Variants in TSPYL4 observed in about 807,000 individuals in gnomAD.
The protein encoded by TSPYL4 is TSPY like 4, also known as testis-specific Y-encoded-like protein 4.
TSPYL4 carries 22 observed loss-of-function variants against 24.2 expected under a neutral mutation model. That is an observed-to-expected ratio of 0.91 (90% CI 0.65 to 1.30). TSPYL4 has a LOEUF of 1.30. TSPYL4 is among the 50% of genes most tolerant of loss of function. The probability of loss-of-function intolerance (pLI) is 0.00; values close to 1 mark genes in which losing one functional copy is unlikely to be tolerated. For missense variants in TSPYL4, 569 were observed against 536.7 expected (o/e 1.06, Z -0.60); for synonymous variants, 211 against 208.2 (o/e 1.01, Z -0.12).
chr6:116,253,036 A>G lies in TSPYL4; in HGVS notation c.973T>C (p.Ser325Pro). The G allele has an allele frequency of 3.1e-6, 5 of 1,614,042 alleles. No individual in the cohort carries two copies. The highest frequency in any genetic ancestry group is 4.2e-6 in the Non-Finnish European group (5 of 1,180,000). The change falls in exon 1 of 1, where the codon TCT becomes CCT. Residue 325 changes from serine (S) to proline (P), a missense_variant. By Grantham distance (74) the Ser-to-Pro change is moderately conservative (BLOSUM62 -1). Transcript: ENST00000420283. This position sits in a 1 kb window ranked among gnomAD's most constrained non-coding sequence, Gnocchi z 4.3. ...TGCCAGCGGATTGGAGTGGAAAGAG[A>G]CACCACCCGGCCAGAGGATCTGCGT... Reference protein sequence around the residue: ...YERRSSGRVVSLSTPIRWHRG... With the variant: ...YERRSSGRVVPLSTPIRWHRG...
chr6:116,253,296 A>T lies in TSPYL4; in HGVS notation c.713T>A (p.Leu238His). The T allele has an allele frequency of 6.3e-7, 1 of 1,598,326 alleles. No homozygotes were observed. Among genetic ancestry groups the T allele is most frequent in the Non-Finnish European group, 8.5e-7 (1 of 1,171,838 alleles). Residue 238 changes from leucine (L) to histidine (H), a missense_variant, in exon 1 of 1, where the codon CTC (leucine) becomes CAC (histidine). Coordinates refer to ENST00000420283, the MANE Select transcript of TSPYL4 (RefSeq NM_021648.5). The surrounding 1 kb of genome is among the most constrained non-coding windows in gnomAD (Gnocchi z 4.3). ...AATGAAACTTCTGCGCTGCATGTGG[A>T]GCCTTCGCATGCGGCCAAACTTGCG... The part of the protein sequence containing the change: ...LERKFGRMRR[L>H]HMQRRSFIIQ...
chr6:116,253,591 C>G lies in TSPYL4; in HGVS notation c.418G>C (p.Gly140Arg). ...TTCTTCCCCGGTATCATCTGAGACC[C>G]CAAGCCCCCTGCGCCACAGGCTTCT... ...ALEACGAGGL[G>R]SQMIPGKKAK... is the part of the protein sequence containing the mutation. Residue 140 changes from glycine (G) to arginine (R), a missense_variant, in exon 1 of 1, where the codon GGG (glycine) becomes CGG (arginine). By Grantham distance (125) the Gly-to-Arg change is moderately radical. Coordinates refer to ENST00000420283, the MANE Select transcript of TSPYL4 (RefSeq NM_021648.5). This position sits in a 1 kb window ranked among gnomAD's most constrained non-coding sequence, Gnocchi z 4.3. 6.4e-7 allele frequency: 1 copy of G among 1,552,274 alleles called. No homozygotes were observed.
rs1771982293 is a variant in TSPYL4 at position 116,252,989 on chromosome 6, A to G, written c.1020T>C (p.Ala340=). 2 of 1,614,078 alleles carry G rather than the reference A, an allele frequency of 1.2e-6. No homozygotes were observed. The highest frequency in any genetic ancestry group is 1.7e-6 in the Non-Finnish European group (2 of 1,180,024). The stretch of plus-strand genomic sequence containing the variant: ...TCCCTTCCCGGTTTCTGTGGATATG[A>G]GCCTGGGGGTCTTGGCCTCGGTGCC... ...IRWHRGQDPQ[A]HIHRNREGNT... Residue 340 remains alanine, a synonymous_variant, in exon 1 of 1, where the codon GCT becomes GCC. Coordinates refer to ENST00000420283, the MANE Select transcript of TSPYL4 (RefSeq NM_021648.5).
At position 116,253,892 on chromosome 6, in the gene TSPYL4, T is replaced by G. The variant is rs368916895; in HGVS notation, c.117A>C (p.Glu39Asp). ...TCGCCATCACCTGTGTCGCCTCGGTTTCTTCACGGAGCCCTTGGCACTGGT... is the reference window on the plus strand; with the variant it reads ...TCGCCATCACCTGTGTCGCCTCGGTGTCTTCACGGAGCCCTTGGCACTGGT... ...DRDQCQGLREETEATQVMANT... is the reference protein window; with the variant it reads ...DRDQCQGLREDTEATQVMANT... Residue 39 changes from glutamate (E) to aspartate (D), a missense_variant, in exon 1 of 1, where the codon GAA (glutamate) becomes GAC (aspartate). Physicochemically the swap from Glu to Asp is conservative, Grantham distance 45. Coordinates refer to ENST00000420283, the MANE Select transcript of TSPYL4 (RefSeq NM_021648.5). This position sits in a 1 kb window ranked among gnomAD's most constrained non-coding sequence, Gnocchi z 4.3. 4.9e-5 allele frequency: 79 copies of G among 1,613,752 alleles called. No individual in the cohort carries two copies. The highest frequency in any genetic ancestry group is 6.0e-5 in the Non-Finnish European group (71 of 1,179,854).
In TSPYL4 at chr6:116,251,674, A is replaced by G. The variant is rs1004999425; in HGVS notation, c.*1090T>C. On this transcript the variant is annotated 3_prime_UTR_variant, in exon 1 of 1. Coordinates refer to ENST00000420283, the MANE Select transcript of TSPYL4 (RefSeq NM_021648.5). ...GGAGGGAGAGGGGAGGAGGAGGGAG[A>G]GAAAGAGACAGAGGCATAACAAGTC... 1.9e-5 allele frequency: 3 copies of G among 155,570 alleles called. No individual in the cohort carries two copies. Among genetic ancestry groups the G allele is most frequent in the Admixed American group, 6.5e-5 (1 of 15,340 alleles). 9.6% of individuals were successfully genotyped at this position (155,570 alleles called of 1,614,324 possible).
rs1487117336 is a variant in TSPYL4, at chr6:116,252,753, C to T, written c.*11G>A. On this transcript the variant is annotated 3_prime_UTR_variant, in exon 1 of 1. Transcript: ENST00000420283. Reference sequence around the variant, plus strand: ...AGGAAACTTGTGCAGAAGCTTCTCACAGGACAGAGATTAGCCAGACTGGAA... The same window carrying T: ...AGGAAACTTGTGCAGAAGCTTCTCATAGGACAGAGATTAGCCAGACTGGAA... The T allele has an allele frequency of 6.4e-6, 10 of 1,569,432 alleles. No individual in the cohort carries two copies. The highest frequency in any genetic ancestry group is 8.6e-6 in the Non-Finnish European group (10 of 1,157,304).
In TSPYL4 at chr6:116,253,039, C is replaced by G. The variant is rs1398958428; in HGVS notation, c.970G>C (p.Val324Leu). The G allele has an allele frequency of 2.5e-6, 4 of 1,614,142 alleles. No individual in the cohort carries two copies. The highest frequency in any genetic ancestry group is 3.4e-6 in the Non-Finnish European group (4 of 1,180,038). The change falls in exon 1 of 1, where the codon GTG becomes CTG. Residue 324 changes from valine (V) to leucine (L), a missense_variant. Coordinates refer to ENST00000420283, the MANE Select transcript of TSPYL4 (RefSeq NM_021648.5). This position sits in a 1 kb window ranked among gnomAD's most constrained non-coding sequence, Gnocchi z 4.3. Reference sequence around the variant, plus strand: ...CAGCGGATTGGAGTGGAAAGAGACACCACCCGGCCAGAGGATCTGCGTTCA... The same window carrying G: ...CAGCGGATTGGAGTGGAAAGAGACAGCACCCGGCCAGAGGATCTGCGTTCA... ...EYERRSSGRV[V>L]SLSTPIRWHR... is the part of the protein sequence containing the mutation.
In TSPYL4 at chr6:116,254,027, A is replaced by G; in HGVS notation, c.-19T>C. 1.4e-5 allele frequency: 22 copies of G among 1,549,478 alleles called. No individual in the cohort carries two copies. Among genetic ancestry groups the G allele is most frequent in the Non-Finnish European group, 1.9e-5 (22 of 1,148,638 alleles). On this transcript the variant is annotated 5_prime_UTR_variant, in exon 1 of 1. Transcript: ENST00000420283. ...CGCTCATTTTGGAAGAAGTCAGACT[A>G]GTGGGAGAGGGAGAGTTCCTTGTCC...
chr6:116,253,899 C>G lies in TSPYL4; in HGVS notation c.110G>C (p.Arg37Pro), dbSNP rs891332085. The G allele has an allele frequency of 1.2e-6, 2 of 1,613,718 alleles. No homozygotes were observed. Among genetic ancestry groups the G allele is most frequent in the East Asian group, 2.2e-5 (1 of 44,876 alleles). ...CACCTGTGTCGCCTCGGTTTCTTCACGGAGCCCTTGGCACTGGTCTCGGTC... is the reference window on the plus strand; with the variant it reads ...CACCTGTGTCGCCTCGGTTTCTTCAGGGAGCCCTTGGCACTGGTCTCGGTC... ...DPDRDQCQGLREETEATQVMA... is the reference protein window; with the variant it reads ...DPDRDQCQGLPEETEATQVMA... The change falls in exon 1 of 1, where the codon CGT becomes CCT. Residue 37 changes from arginine to proline, a missense_variant. Coordinates refer to ENST00000420283, the MANE Select transcript of TSPYL4 (RefSeq NM_021648.5). The surrounding 1 kb of genome is among the most constrained non-coding windows in gnomAD (Gnocchi z 4.3).
At position 116,252,447 on chromosome 6, in the gene TSPYL4, AG is replaced by A. The variant is rs1771967411; in HGVS notation, c.*316del. On this transcript the variant is annotated 3_prime_UTR_variant, in exon 1 of 1. Transcript: ENST00000420283. ...TTGGGAGAAGAGCATGGTCACAGAT[AG>A]GGTCCAAGCCATGCAAAGAAAGGCA... 3.6e-6 allele frequency: 1 copy of A among 281,308 alleles called. No individual in the cohort carries two copies. The allele number at this position is 281,308 out of a possible 1,614,324, so 17.4% of individuals were successfully genotyped here.
rs1003514765 is a variant in TSPYL4 at position 116,253,080 on chromosome 6, C to A, written c.929G>T (p.Gly310Val). Residue 310 changes from glycine to valine, a missense_variant, in exon 1 of 1, where the codon GGG (glycine) becomes GTG (valine). Transcript: ENST00000420283. This position sits in a 1 kb window ranked among gnomAD's most constrained non-coding sequence, Gnocchi z 4.3. The stretch of plus-strand genomic sequence containing the variant: ...TCTGCGTTCATATTCCTTGACAAGC[C>A]CCTCATTTCGGAAGTAGGGGTTGCC... ...FQGNPYFRNE[G>V]LVKEYERRSS... The A allele has an allele frequency of 1.9e-6, 3 of 1,614,046 alleles. No homozygotes were observed. The highest frequency in any genetic ancestry group is 2.5e-6 in the Non-Finnish European group (3 of 1,180,018).
In TSPYL4 at chr6:116,252,871, T is replaced by A. The variant is rs1330181023; in HGVS notation, c.1138A>T (p.Asn380Tyr). 1 of 1,604,736 alleles carries A rather than the reference T, an allele frequency of 6.2e-7. No homozygotes were observed. Among genetic ancestry groups the A allele is most frequent in the South Asian group, 1.1e-5 (1 of 89,662 alleles). ...AEIIKGELWP[N>Y]PLQYYLMGEG... ...CCCATCAGGTAGTATTGTAGGGGATTGGGCCACAGTTCTCCTTTGATAATC... is the reference window on the plus strand; with the variant it reads ...CCCATCAGGTAGTATTGTAGGGGATAGGGCCACAGTTCTCCTTTGATAATC... Residue 380 changes from asparagine (N) to tyrosine (Y), a missense_variant, in exon 1 of 1, where the codon AAT (asparagine) becomes TAT (tyrosine). Transcript: ENST00000420283.
chr6:116,252,452 C>A lies in TSPYL4; in HGVS notation c.*312G>T. The stretch of plus-strand genomic sequence containing the variant: ...AGAAGAGCATGGTCACAGATAGGGT[C>A]CAAGCCATGCAAAGAAAGGCAGTAT... On this transcript the variant is annotated 3_prime_UTR_variant, in exon 1 of 1. Coordinates refer to ENST00000420283, the MANE Select transcript of TSPYL4 (RefSeq NM_021648.5). 1 of 305,134 alleles carries A rather than the reference C, an allele frequency of 3.3e-6. No individual in the cohort carries two copies. The highest frequency in any genetic ancestry group is 6.1e-6 in the Non-Finnish European group (1 of 164,428). 18.9% of individuals were successfully genotyped at this position (305,134 alleles called of 1,614,324 possible).
rs1197277819 is a variant in TSPYL4 at position 116,251,168 on chromosome 6, C to G, written c.*1596G>C. The G allele has an allele frequency of 2.5e-6, 1 of 398,516 alleles. No homozygotes were observed. Among genetic ancestry groups the G allele is most frequent in the Admixed American group, 4.4e-5 (1 of 22,712 alleles). The allele number at this position is 398,516 out of a possible 1,614,324, so 24.7% of individuals were successfully genotyped here. ...GACCTACAAAATGCTACCCTAGAAG[C>G]AGTCCAAGGCCCAAAAAAGAATTTC... On this transcript the variant is annotated 3_prime_UTR_variant, in exon 1 of 1. Coordinates refer to ENST00000420283, the MANE Select transcript of TSPYL4 (RefSeq NM_021648.5).
At position 116,253,347 on chromosome 6, in the gene TSPYL4, G is replaced by C. The variant is rs1402024437; in HGVS notation, c.662C>G (p.Ala221Gly). The change falls in exon 1 of 1, where the codon GCT (alanine) becomes GGT (glycine). Residue 221 changes from alanine to glycine, a missense_variant. Ala to Gly is a moderately conservative substitution (Grantham distance 60). Coordinates refer to ENST00000420283, the MANE Select transcript of TSPYL4 (RefSeq NM_021648.5). The surrounding 1 kb of genome is among the most constrained non-coding windows in gnomAD (Gnocchi z 4.3). ...CTCAAGCTGAAGGAAGGCCCTGTCAGCCTGGGCATTTACGTTTGACAACTC... is the reference window on the plus strand; with the variant it reads ...CTCAAGCTGAAGGAAGGCCCTGTCACCCTGGGCATTTACGTTTGACAACTC... ...DQELSNVNAQ[A>G]DRAFLQLERK... The C allele has an allele frequency of 6.4e-7, 1 of 1,560,830 alleles. No homozygotes were observed. Among genetic ancestry groups the C allele is most frequent in the East Asian group, 2.4e-5 (1 of 41,640 alleles).
chr6:116,250,217 A>C lies in TSPYL4; in HGVS notation c.*2547T>G, dbSNP rs1305730372. ...TCACAAGACATAGCTATAATTTGTA[A>C]AATATTCAGACTATTGAAAGATCAC... On this transcript the variant is annotated 3_prime_UTR_variant, in exon 1 of 1. Coordinates refer to ENST00000420283, the MANE Select transcript of TSPYL4 (RefSeq NM_021648.5). 6.6e-5 allele frequency: 10 copies of C among 152,606 alleles called. No homozygotes were observed. Among genetic ancestry groups the C allele is most frequent in the African/African-American group, 2.4e-4 (10 of 41,444 alleles). 9.5% of individuals were successfully genotyped at this position (152,606 alleles called of 1,614,324 possible).
At position 116,252,504 on chromosome 6, in the gene TSPYL4, G is replaced by T; in HGVS notation, c.*260C>A. The T allele has an allele frequency of 2.0e-6, 1 of 489,652 alleles. No individual in the cohort carries two copies. The highest frequency in any genetic ancestry group is 3.6e-6 in the Non-Finnish European group (1 of 275,542). 30.3% of individuals were successfully genotyped at this position (489,652 alleles called of 1,614,324 possible). A position where few individuals can be genotyped will look rare whatever the true frequency, so the allele number is the denominator to read the frequency against. ...GTACACTATATCTATAGTATCATAC[G>T]CTTGGCATAGAAGCCGTAGAAGGCC... On this transcript the variant is annotated 3_prime_UTR_variant, in exon 1 of 1. Coordinates refer to ENST00000420283, the MANE Select transcript of TSPYL4 (RefSeq NM_021648.5).
In TSPYL4 at chr6:116,251,973, G is replaced by A. The variant is rs1460947035; in HGVS notation, c.*791C>T. 6.6e-6 allele frequency: 1 copy of A among 152,396 alleles called. No individual in the cohort carries two copies. The allele number at this position is 152,396 out of a possible 1,614,324, so 9.4% of individuals were successfully genotyped here. ...TCTACAGATAGTTCCTGATGAGGCA[G>A]ACAATGGTGGCCTAAGCAAAGTTCA... On this transcript the variant is annotated 3_prime_UTR_variant, in exon 1 of 1. Transcript: ENST00000420283.
rs201531864 is a variant in TSPYL4 at position 116,253,831 on chromosome 6, C to A, written c.178G>T (p.Gly60Trp). 5.0e-6 allele frequency: 8 copies of A among 1,611,948 alleles called. No individual in the cohort carries two copies. Among genetic ancestry groups the A allele is most frequent in the Non-Finnish European group, 5.9e-6 (7 of 1,179,160 alleles). ...GGGSLETVAE[G>W]GASQDPVDCG... ...TCGACAGGATCCTGGGATGCACCCC[C>A]CTCCGCAACGGTCTCCAGGCTGCCC... The change falls in exon 1 of 1, where the codon GGG (glycine) becomes TGG (tryptophan). Residue 60 changes from glycine (G) to tryptophan (W), a missense_variant. Coordinates refer to ENST00000420283, the MANE Select transcript of TSPYL4 (RefSeq NM_021648.5). The surrounding 1 kb of genome is among the most constrained non-coding windows in gnomAD (Gnocchi z 4.3).
Sources: gnomAD v4.1 joint callset for allele counts on GRCh38, gnomAD v4.1.1 for gene constraint, Gnocchi (gnomAD v3.1) non-coding constraint, MANE v1.5 for transcripts, NCBI Gene and HGNC (gene_info 2026-07-23, HGNC 2026-07-21) for gene names.